The following MMS22L variants were observed in gnomAD, a reference collection of about 807,000 sequenced individuals.
MMS22L encodes MMS22 like, DNA repair protein, also known as protein MMS22-like.
In MMS22L, 74 loss-of-function variants were observed where a neutral mutation model predicts 159.1. The observed-to-expected ratio is 0.47, with a 90% CI of 0.39 to 0.56. MMS22L has a LOEUF of 0.56. MMS22L is among the 20% of genes least tolerant of loss of function. The probability of loss-of-function intolerance (pLI) is 0.00; values close to 1 mark genes in which losing one functional copy is unlikely to be tolerated. For synonymous variants in MMS22L, 517 were observed against 506.9 expected, an observed-to-expected ratio of 1.02 and a Z score of -0.27; for missense variants, 1,351 against 1,422.1, an observed-to-expected ratio of 0.95 and a Z score of 0.80.
chr6:97,248,986 T>C (rs1021702316), intron 10 of MMS22L, among the ~76,000 whole-genome samples: 3 of 152,054 alleles, frequency 2.0e-5, no homozygotes, highest in African/African-American at 4.8e-5. Flanking sequence ...AATCTAACTA[T>C]GTGATAGAGA....
intron 11 of MMS22L, among the ~76,000 whole-genome samples, chr6:97,238,331 A>G: frequency 6.6e-6 from 1 of 152,182 alleles, no homozygotes; most frequent in East Asian, 1.9e-4. Flanking sequence ...AATAAATGCA[A>G]CAGGGTCATA....
chr6:97,152,986 C>A (rs1291636159), intron 22 of MMS22L, among the ~76,000 whole-genome samples: 1 of 151,902 alleles, frequency 6.6e-6, no homozygotes. Context: ...CAGGTGCATG[C>A]CAGCATGCCT....
rs1167446221 is a variant in MMS22L at position 97,215,091 on chromosome 6, AAT to A, written c.2039+13801_2039+13802del. 9.4e-3 allele frequency among the ~76,000 whole-genome samples: 1,327 copies of A among 141,258 alleles called. 9 individuals are homozygous for A. Among genetic ancestry groups the A allele is most frequent in the Non-Finnish European group, 0.012 (789 of 65,778 alleles). The allele number at this position is 141,258 out of a possible 152,430, so 92.7% of individuals were successfully genotyped here. A position where few individuals can be genotyped will look rare whatever the true frequency, so the allele number is the denominator to read the frequency against. On this transcript the variant is annotated intron_variant, in intron 14 of 24. Coordinates refer to ENST00000683635, the MANE Select transcript of MMS22L (RefSeq NM_001350599.2). Reference sequence around the variant, plus strand: ...TTTTTTCACAATTAATCATGTTTTAAATATATATATATATATATATATATTTT... The same window carrying A: ...TTTTTTCACAATTAATCATGTTTTAAATATATATATATATATATATATTTT...
chr6:97,263,338 C>T lies in MMS22L; in HGVS notation c.939G>A (p.Ser313=), dbSNP rs61740678. The T allele has an allele frequency of 7.0e-3, 10,946 of 1,571,820 alleles. 102 individuals are homozygous for T. The highest frequency in any genetic ancestry group is 6.9e-3 in the Non-Finnish European group (7,950 of 1,158,196). Residue 313 remains serine (S), a synonymous_variant, in exon 9 of 25, where the codon TCG becomes TCA. Transcript: ENST00000683635. ...ACACATCAATTTTCCAACTTACTTC[C>T]GAGACAAACCATTTACTTCTGTGGT... The part of the protein sequence containing the change: ...LLDHRSKWFV[S]ESFWNWLNKL...
intron 19 of MMS22L, among the ~76,000 whole-genome samples, chr6:97,171,987 C>T (rs1014138870): frequency 2.6e-5 from 4 of 152,084 alleles, no homozygotes; most frequent in African/African-American, 7.2e-5. Context: ...TACAGATCTG[C>T]GCATGGAGAC....
At chr6:97,248,453 T>C (rs1054515371) in intron 10 of MMS22L, among the ~76,000 whole-genome samples, 16 of 152,212 alleles carry the variant, frequency 1.1e-4, no homozygotes, top group Non-Finnish European at 2.2e-4. Context: ...AGATTACTAA[T>C]ACAATGATTT....
Position 97,172,956 on chromosome 6 carries a change from T to A in MMS22L, c.2839+107A>T, listed in dbSNP as rs1803700470. On this transcript the variant is annotated intron_variant, in intron 19 of 24. Transcript: ENST00000683635. Reference sequence around the variant, plus strand: ...ATCACTGTATTTCAGATTACTCTTATGATTGTATGGAGGGTAGTGATTTAG... The same window carrying A: ...ATCACTGTATTTCAGATTACTCTTAAGATTGTATGGAGGGTAGTGATTTAG... 3 of 1,036,206 alleles carry A rather than the reference T, an allele frequency of 2.9e-6. No homozygotes were observed. The Admixed American group carries it at 8.3e-5, about 29-fold the overall frequency. 64.2% of individuals were successfully genotyped at this position (1,036,206 alleles called of 1,614,324 possible). A position where few individuals can be genotyped will look rare whatever the true frequency, so the allele number is the denominator to read the frequency against.
chr6:97,273,033 C>A lies in MMS22L; in HGVS notation c.370G>T (p.Asp124Tyr). 6.2e-7 allele frequency: 1 copy of A among 1,612,538 alleles called. No homozygotes were observed. The highest frequency in any genetic ancestry group is 1.1e-5 in the South Asian group (1 of 90,632). ...AGTACACACTGCTGCCTAATATTGTCTGCTTTGCAGTGTAGAGTTGATACC... is the reference window on the plus strand; with the variant it reads ...AGTACACACTGCTGCCTAATATTGTATGCTTTGCAGTGTAGAGTTGATACC... ...GKVSTLHCKA[D>Y]NIRQQCVLFL... Residue 124 changes from aspartate (D) to tyrosine (Y), a missense_variant, in exon 5 of 25, where the codon GAC becomes TAC. Transcript: ENST00000683635.
intron 11 of MMS22L, among the ~76,000 whole-genome samples, chr6:97,241,374 C>T (rs1812050537): frequency 6.6e-6 from 1 of 152,174 alleles, no homozygotes; most frequent in Admixed American, 6.5e-5. Context: ...TAAGGAATAT[C>T]CATAATGTTT....
intron 14 of MMS22L, among the ~76,000 whole-genome samples, chr6:97,203,017 AG>A (rs1807347302): frequency 6.6e-6 from 1 of 152,222 alleles, no homozygotes; most frequent in Non-Finnish European, 1.5e-5. Flanking sequence ...TTGTACAAAA[AG>A]GATATAAAAC....
At chr6:97,224,562 A>T (rs1453876574) in intron 14 of MMS22L, among the ~76,000 whole-genome samples, 1 of 141,396 alleles carries the variant, frequency 7.1e-6, no homozygotes, top group Non-Finnish European at 1.6e-5. Context: ...TGACTCATTT[A>T]AAAAAAAAAA....
intron 14 of MMS22L, among the ~76,000 whole-genome samples, chr6:97,215,515 C>G: frequency 6.6e-6 from 1 of 152,112 alleles, no homozygotes; most frequent in South Asian, 2.1e-4. Context: ...CGGGGTTACT[C>G]CCAGACTGAA....
rs376705585 is a variant in MMS22L, at chr6:97,268,646, TTA to T, written c.698-646_698-645del. ...TCTAACCAACAAAGCCTTTAAAACA[TTA>T]TTTTTTTAACAAATACTGATAAACT... On this transcript the variant is annotated intron_variant, in intron 7 of 24. Coordinates refer to ENST00000683635, the MANE Select transcript of MMS22L (RefSeq NM_001350599.2). Among the ~76,000 whole-genome samples the T allele has an allele frequency of 2.6e-4, 39 of 152,096 alleles. 2 individuals are homozygous for T. The highest frequency in any genetic ancestry group is 8.7e-4 in the African/African-American group (36 of 41,452).
chr6:97,254,759 C>A, intron 9 of MMS22L, 26 bp from the exon 10 acceptor site: 12 of 1,523,718 alleles, frequency 7.9e-6, no homozygotes, highest in Non-Finnish European at 1.1e-5. Context: ...TAATTTGATT[C>A]CATTAAGACA....
chr6:97,269,845 A>T (rs1815537847), intron 7 of MMS22L, 57 bp downstream of exon 7: 14 of 1,267,202 alleles, frequency 1.1e-5, no homozygotes, highest in Non-Finnish European at 1.5e-5. Flanking sequence ...ATGTAATTTT[A>T]AAAAGCAATA....
At chr6:97,195,410 T>C (rs1480097958) in intron 14 of MMS22L, among the ~76,000 whole-genome samples, 1 of 152,154 alleles carries the variant, frequency 6.6e-6, no homozygotes, top group Non-Finnish European at 1.5e-5. Flanking sequence ...AGCAGAAGTG[T>C]AATATAATTT....
At position 97,145,202 on chromosome 6, in the gene MMS22L, T is replaced by G. The variant is rs929333685; in HGVS notation, c.*1604A>C. ...ACTATCATGATGAAAAGAAATTCAG[T>G]GTTATGAAGTCTATTAAACAGCCTT... On this transcript the variant is annotated 3_prime_UTR_variant, in exon 25 of 25. Coordinates refer to ENST00000683635, the MANE Select transcript of MMS22L (RefSeq NM_001350599.2). 3 of 152,132 alleles carry G rather than the reference T, an allele frequency of 2.0e-5. No individual in the cohort carries two copies. The highest frequency in any genetic ancestry group is 2.9e-5 in the Non-Finnish European group (2 of 68,020). The allele number at this position is 152,132 out of a possible 1,614,324, so 9.4% of individuals were successfully genotyped here.
At chr6:97,281,462 T>C (rs112325827) in intron 2 of MMS22L, 100 bp from the exon 3 acceptor site, 10 of 1,017,402 alleles carry the variant, frequency 9.8e-6, no homozygotes, top group Middle Eastern at 3.3e-4. Flanking sequence ...ATACATGACA[T>C]GTATAAAAAG....
intron 10 of MMS22L, among the ~76,000 whole-genome samples, chr6:97,248,407 G>A (rs1247515201): frequency 6.6e-6 from 1 of 152,060 alleles, no homozygotes; most frequent in East Asian, 1.9e-4. Context: ...GATAATAAAT[G>A]TTTGTTTTAA....
Sources: gnomAD v4.1 joint callset for allele counts (sites outside exome capture counted in the v4.1 genomes callset) on GRCh38, gnomAD v4.1.1 for gene constraint, MANE v1.5 for transcripts, NCBI Gene and HGNC (gene_info 2026-07-23, HGNC 2026-07-21) for gene names.